RNF8: variants seen among roughly 807,000 people sequenced by gnomAD.
RNF8 encodes the protein E3 ubiquitin-protein ligase RNF8.
A neutral mutation model predicts 59.3 loss-of-function variants in RNF8; 8 were observed. The ratio of observed to expected loss-of-function variants is 0.13; its 90% confidence interval spans 0.08 to 0.24. RNF8 has a LOEUF of 0.24. Among genes scored for constraint, RNF8 ranks in the 10% least tolerant of loss-of-function variants. RNF8 has a pLI of 1.00. For synonymous variants in RNF8, 162 were observed against 200.0 expected, an observed-to-expected ratio of 0.81 and a Z score of 1.60; for missense variants, 406 against 572.6, an observed-to-expected ratio of 0.71 and a Z score of 2.97.
rs750639844 is a variant in RNF8 at position 37,371,467 on chromosome 6, T to C, written c.976-45T>C. On this transcript the variant is annotated intron_variant, in intron 3 of 7. Coordinates refer to ENST00000373479, the MANE Select transcript of RNF8 (RefSeq NM_003958.4). ...TGTTGCTGGATTGTGTTCCTTTTTT[T>C]CTTTTCCCTGCAGAGAAACCTTCCA... 1.7e-5 allele frequency: 26 copies of C among 1,563,392 alleles called. No individual in the cohort carries two copies. The South Asian group carries it at 2.7e-4, about 16-fold the overall frequency.
rs1446372821 is a variant in RNF8 at position 37,392,141 on chromosome 6, G to A, written c.*1383G>A. The A allele has an allele frequency of 4.2e-6, 1 of 236,104 alleles. No homozygotes were observed. Among genetic ancestry groups the A allele is most frequent in the African/African-American group, 2.2e-5 (1 of 44,872 alleles). 14.6% of individuals were successfully genotyped at this position (236,104 alleles called of 1,614,324 possible). Reference sequence around the variant, plus strand: ...GAGTCATGGAGGAAGTAAGTTAAATGTGGAAAAAATGCTTTAAAAGTACTT... The same window carrying A: ...GAGTCATGGAGGAAGTAAGTTAAATATGGAAAAAATGCTTTAAAAGTACTT... On this transcript the variant is annotated 3_prime_UTR_variant, in exon 8 of 8. Coordinates refer to ENST00000373479, the MANE Select transcript of RNF8 (RefSeq NM_003958.4).
Position 37,366,998 on chromosome 6 carries a change from G to A in RNF8, c.241-1486G>A, listed in dbSNP as rs190479728. Among the ~76,000 whole-genome samples the A allele has an allele frequency of 1.2e-4, 18 of 152,282 alleles. No individual in the cohort carries two copies. In the East Asian group the frequency reaches 3.5e-3, roughly 29 times the overall value. ...CACATTTGCTCATTTGTGCCCTTGT[G>A]TTGTCTTTTCCACCATCAGCTGCTG... is the stretch of plus-strand genomic sequence containing the variant. On this transcript the variant is annotated intron_variant, in intron 2 of 7. Coordinates refer to ENST00000373479, the MANE Select transcript of RNF8 (RefSeq NM_003958.4).
intron 7 of RNF8, among the ~76,000 whole-genome samples, chr6:37,388,515 G>A (rs1186013225): frequency 1.3e-5 from 2 of 152,158 alleles, no homozygotes; most frequent in East Asian, 3.8e-4. Flanking sequence ...CGTCTCTGTG[G>A]TATTAAGAGC....
At chr6:37,373,121 A>G (rs1453414350) in intron 4 of RNF8, among the ~76,000 whole-genome samples, 1 of 152,162 alleles carries the variant, frequency 6.6e-6, no homozygotes, top group East Asian at 1.9e-4. Context: ...ATGGTCTTTT[A>G]TAACTGATTT....
chr6:37,354,173 G>A lies in RNF8; in HGVS notation c.9G>A (p.Glu3=), dbSNP rs1225807312. The A allele has an allele frequency of 5.7e-6, 9 of 1,576,272 alleles. No homozygotes were observed. The highest frequency in any genetic ancestry group is 7.7e-6 in the Non-Finnish European group (9 of 1,161,746). The change falls in exon 1 of 8, where the codon GAG becomes GAA. Residue 3 remains glutamate (E), a synonymous_variant. Coordinates refer to ENST00000373479, the MANE Select transcript of RNF8 (RefSeq NM_003958.4). MG[E]PGFFVTGDRA... ...CCGGGGTCGAGTAGGCGATGGGGGA[G>A]CCCGGCTTCTTCGTCACAGGAGACC...
At chr6:37,363,057 C>T (rs992481646) in intron 2 of RNF8, among the ~76,000 whole-genome samples, 6 of 152,176 alleles carry the variant, frequency 3.9e-5, no homozygotes, top group African/African-American at 1.2e-4. Context: ...GGTTCAGTCA[C>T]GTCTTACTTG....
At chr6:37,389,622 G>T (rs185840391) in intron 7 of RNF8, among the ~76,000 whole-genome samples, 198 of 152,084 alleles carry the variant, frequency 1.3e-3, no homozygotes, top group Middle Eastern at 0.01. Flanking sequence ...GGGAAGACAG[G>T]GAGTACAGAG....
At chr6:37,376,302 G>T (rs1770014631) in intron 5 of RNF8, among the ~76,000 whole-genome samples, 1 of 152,066 alleles carries the variant, frequency 6.6e-6, no homozygotes. Context: ...TTAATTTTGG[G>T]GAAGGAGACA....
chr6:37,354,330 T>A, intron 1 of RNF8, 55 bp downstream of exon 1: 1 of 1,366,258 alleles, frequency 7.3e-7, no homozygotes, highest in Non-Finnish European at 9.8e-7. Context: ...GGAGCGGGGC[T>A]CCGGGGAGGG....
Position 37,368,798 on chromosome 6 carries a change from G to A in RNF8, c.555G>A (p.Gln185=). Residue 185 remains glutamine (Q), a synonymous_variant, in exon 3 of 8, where the codon CAG becomes CAA. Transcript: ENST00000373479. ...KINKVSCESG[Q]PVKSQGKGEV... is the part of the protein sequence containing the mutation. Reference sequence around the variant, plus strand: ...ATAAAGTGTCTTGTGAATCTGGTCAGCCAGTGAAATCACAGGGGAAAGGTG... The same window carrying A: ...ATAAAGTGTCTTGTGAATCTGGTCAACCAGTGAAATCACAGGGGAAAGGTG... 1 of 1,614,182 alleles carries A rather than the reference G, an allele frequency of 6.2e-7. No individual in the cohort carries two copies.
chr6:37,385,232 T>C (rs1032278643), intron 7 of RNF8, among the ~76,000 whole-genome samples: 3 of 150,600 alleles, frequency 2.0e-5, no homozygotes, highest in East Asian at 2.0e-4. Flanking sequence ...AGGCTGGTCT[T>C]GAACTCCCGA....
At chr6:37,374,749 C>T in intron 5 of RNF8, 40 bp downstream of exon 5, 1 of 1,443,806 alleles carries the variant, frequency 6.9e-7, no homozygotes, top group South Asian at 1.1e-5. Flanking sequence ...TTGGTTAGTG[C>T]ATGCAACTCA....
At chr6:37,373,318 A>G (rs184049886) in intron 4 of RNF8, among the ~76,000 whole-genome samples, 1 of 152,206 alleles carries the variant, frequency 6.6e-6, no homozygotes, top group African/African-American at 2.4e-5. Flanking sequence ...ATGTGTTTAT[A>G]TACAGCTCAA....
In RNF8 at chr6:37,390,864, G is replaced by A. The variant is rs1168980092; in HGVS notation, c.*106G>A. 1 of 1,598,880 alleles carries A rather than the reference G, an allele frequency of 6.3e-7. No individual in the cohort carries two copies. Among genetic ancestry groups the A allele is most frequent in the African/African-American group, 1.3e-5 (1 of 74,578 alleles). ...CTCCGCTGCTCTGAAGGTCAACTGA[G>A]AAGTCTTGTGGGACAGAGACTTGAG... On this transcript the variant is annotated 3_prime_UTR_variant, in exon 8 of 8. Transcript: ENST00000373479.
At chr6:37,370,667 G>A (rs1338848684) in intron 3 of RNF8, among the ~76,000 whole-genome samples, 1 of 147,956 alleles carries the variant, frequency 6.8e-6, no homozygotes, top group African/African-American at 2.5e-5. Flanking sequence ...CCTACTGCTG[G>A]TTTAGAAGCT....
intron 6 of RNF8, among the ~76,000 whole-genome samples, chr6:37,380,670 CAA>C (rs1270420232): frequency 1.1e-4 from 12 of 105,126 alleles, no homozygotes; most frequent in African/African-American, 6.4e-5. Flanking sequence ...GACTCCGTCT[CAA>C]AAAAAAAAAA....
In RNF8 at chr6:37,390,725, C is replaced by A; in HGVS notation, c.1442-17C>A. 6.3e-7 allele frequency: 1 copy of A among 1,595,162 alleles called. No individual in the cohort carries two copies. The highest frequency in any genetic ancestry group is 8.6e-7 in the Non-Finnish European group (1 of 1,163,458). Reference sequence around the variant, plus strand: ...ACAGGCTCCTCATTTATTTATTTCTCTTCTTTTTCTCCAAAGCAAAGAGAT... The same window carrying A: ...ACAGGCTCCTCATTTATTTATTTCTATTCTTTTTCTCCAAAGCAAAGAGAT... On this transcript the variant is annotated splice_polypyrimidine_tract_variant and intron_variant, in intron 7 of 7. Coordinates refer to ENST00000373479, the MANE Select transcript of RNF8 (RefSeq NM_003958.4).
At chr6:37,382,586 G>C (rs1001785004) in intron 7 of RNF8, among the ~76,000 whole-genome samples, 3 of 152,118 alleles carry the variant, frequency 2.0e-5, no homozygotes, top group Non-Finnish European at 4.4e-5. Context: ...GACGGGGTTG[G>C]GGGGTGGACC....
In RNF8 at chr6:37,392,433, C is replaced by T; in HGVS notation, c.*1675C>T. ...AAATGGCGTAGAATGAAATGCCTCTCACCCTTTCCCCACAGCGACTACTTC... is the reference window on the plus strand; with the variant it reads ...AAATGGCGTAGAATGAAATGCCTCTTACCCTTTCCCCACAGCGACTACTTC... On this transcript the variant is annotated 3_prime_UTR_variant, in exon 8 of 8. Coordinates refer to ENST00000373479, the MANE Select transcript of RNF8 (RefSeq NM_003958.4). 2.5e-6 allele frequency: 1 copy of T among 398,566 alleles called. No homozygotes were observed. Among genetic ancestry groups the T allele is most frequent in the East Asian group, 3.6e-5 (1 of 28,068 alleles). The allele number at this position is 398,566 out of a possible 1,614,324, so 24.7% of individuals were successfully genotyped here.
Sources: allele counts gnomAD v4.1 joint callset (sites outside exome capture counted in the v4.1 genomes callset), GRCh38; gene constraint gnomAD v4.1.1; transcripts MANE v1.5; gene names NCBI Gene and HGNC (gene_info 2026-07-23, HGNC 2026-07-21).